The following CACNA1A variants were observed in gnomAD, a reference collection of about 807,000 sequenced individuals.
CACNA1A encodes the protein calcium voltage-gated channel subunit alpha1 A, also known as voltage-dependent P/Q-type calcium channel subunit alpha-1A.
Under a neutral mutation model 262.4 loss-of-function variants are expected in CACNA1A, and 57 were observed. The observed-to-expected ratio is 0.22, with a 90% confidence interval of 0.18 to 0.27. CACNA1A has a LOEUF of 0.27. CACNA1A is among the 10% of genes least tolerant of loss of function. The pLI is 1.00. For synonymous variants in CACNA1A, 1,431 were observed against 1,419.3 expected (o/e 1.01, Z -0.18); for missense variants, 2,526 against 3,562.8 (o/e 0.71, Z 7.41).
intron 24 of CACNA1A, chr19:13,272,383 A>G (rs1015259805): frequency 1.3e-5 from 2 of 152,232 alleles, no homozygotes; most frequent in African/African-American, 4.8e-5. Context: ...GCCCCAGAGG[A>G]AAGGGGCGGG....
At chr19:13,217,489 C>T (rs2055058233) in intron 38 of CACNA1A, among the ~76,000 whole-genome samples, 1 of 152,162 alleles carries the variant, frequency 6.6e-6, no homozygotes, top group South Asian at 2.1e-4. Context: ...ATCACTCTTC[C>T]ATTGTTGTCC....
At chr19:13,329,969 A>G (rs903774967) in intron 10 of CACNA1A, among the ~76,000 whole-genome samples, 1 of 152,178 alleles carries the variant, frequency 6.6e-6, no homozygotes, top group African/African-American at 2.4e-5. Context: ...ACAAACATTC[A>G]CCAACTTGAC....
chr19:13,359,046 T>A (rs1054580603), intron 6 of CACNA1A, among the ~76,000 whole-genome samples: 1 of 152,198 alleles, frequency 6.6e-6, no homozygotes, highest in Non-Finnish European at 1.5e-5. Context: ...TCAGTTGGGT[T>A]ACGAACAGAT....
chr19:13,415,456 T>C (rs992101244), intron 3 of CACNA1A, among the ~76,000 whole-genome samples: 1 of 151,680 alleles, frequency 6.6e-6, no homozygotes, highest in Non-Finnish European at 1.5e-5. Context: ...TAGAACTAGA[T>C]GAGGCCAGGC....
intron 3 of CACNA1A, chr19:13,450,699 T>A (rs761728665): frequency 5.3e-5 from 8 of 152,250 alleles, no homozygotes; most frequent in Admixed American, 1.3e-4. Flanking sequence ...ATTCTCTACT[T>A]AGTTTTGCAT....
At chr19:13,397,154 G>C (rs1210708537) in intron 3 of CACNA1A, among the ~76,000 whole-genome samples, 2 of 152,148 alleles carry the variant, frequency 1.3e-5, no homozygotes, top group African/African-American at 4.8e-5. Flanking sequence ...GTTCATGAAA[G>C]CTGCCCACCT....
chr19:13,473,171 T>G (rs1978290219), intron 1 of CACNA1A, among the ~76,000 whole-genome samples: 1 of 151,880 alleles, frequency 6.6e-6, no homozygotes, highest in Admixed American at 6.6e-5. Flanking sequence ...GGAGGATTGT[T>G]TGATGCTGGG....
intron 29 of CACNA1A, among the ~76,000 whole-genome samples, chr19:13,253,893 C>T (rs1232340660): frequency 3.9e-5 from 6 of 152,114 alleles, no homozygotes; most frequent in African/African-American, 9.7e-5. Flanking sequence ...GCATGCGCCA[C>T]CACGCCCAGC....
chr19:13,279,604 G>A (rs944140961), intron 22 of CACNA1A, among the ~76,000 whole-genome samples: 1 of 152,032 alleles, frequency 6.6e-6, no homozygotes, highest in African/African-American at 2.4e-5. Flanking sequence ...TTCTGCCTCA[G>A]CCTCCAAGTG....
intron 1 of CACNA1A, among the ~76,000 whole-genome samples, chr19:13,491,117 A>T (rs1980833654): frequency 6.6e-6 from 1 of 152,232 alleles, no homozygotes. Flanking sequence ...CCTCTCTGGA[A>T]TGCAAATGGT....
chr19:13,347,059 G>GTTTTTT (rs1207564258), intron 6 of CACNA1A, among the ~76,000 whole-genome samples: 2 of 58,394 alleles, frequency 3.4e-5, no homozygotes, highest in Non-Finnish European at 7.0e-5. Flanking sequence ...TGTTTTTTTT[G>GTTTTTT]TTTTTTTGTT....
At chr19:13,218,605 AG>A (rs1178356842) in intron 38 of CACNA1A, among the ~76,000 whole-genome samples, 1 of 150,620 alleles carries the variant, frequency 6.6e-6, no homozygotes, top group Non-Finnish European at 1.5e-5. Context: ...TTTGAGACAG[AG>A]TCTTGCTCTG....
At chr19:13,217,999 C>G (rs575016698) in intron 38 of CACNA1A, among the ~76,000 whole-genome samples, 1 of 148,304 alleles carries the variant, frequency 6.7e-6, no homozygotes, top group East Asian at 2.0e-4. Flanking sequence ...TGGTCTCGAA[C>G]TCCTGGCCTC....
At chr19:13,395,296 GAA>G (rs1411878196) in intron 3 of CACNA1A, among the ~76,000 whole-genome samples, 1 of 132,766 alleles carries the variant, frequency 7.5e-6, no homozygotes, top group Non-Finnish European at 1.6e-5. Flanking sequence ...AAAAAGAAAA[GAA>G]AAAGAAAAAG....
chr19:13,307,791 C>G lies in CACNA1A; in HGVS notation c.1977G>C (p.Thr659=), dbSNP rs371952989. 4 of 1,613,956 alleles carry G rather than the reference C, an allele frequency of 2.5e-6. No homozygotes were observed. The highest frequency in any genetic ancestry group is 2.5e-6 in the Non-Finnish European group (3 of 1,179,844). The change falls in exon 15 of 47, where the codon ACG becomes ACC. Residue 659 remains threonine, a synonymous_variant. Transcript: ENST00000360228. The part of the protein sequence containing the change: ...NFDTFPAAIM[T]VFQILTGEDW... ...CAGGTGGAGGCTGTACCTGAAACAC[C>G]GTCATTATTGCTGCTGGAAAAGTAT...
intron 40 of CACNA1A, among the ~76,000 whole-genome samples, chr19:13,213,221 A>C (rs1279095965): frequency 6.6e-6 from 1 of 151,898 alleles, no homozygotes; most frequent in Non-Finnish European, 1.5e-5. Flanking sequence ...GCTGTTACCC[A>C]AACAACCCAG....
intron 23 of CACNA1A, 66 bp downstream of exon 23, chr19:13,277,003 T>C (rs1204461837): frequency 1.9e-6 from 2 of 1,032,532 alleles, no homozygotes; most frequent in South Asian, 1.3e-5. Context: ...TGATCCACTG[T>C]GCCCAGCCCT....
At chr19:13,462,677 A>C (rs1303535258) in intron 1 of CACNA1A, among the ~76,000 whole-genome samples, 1 of 152,228 alleles carries the variant, frequency 6.6e-6, no homozygotes, top group Non-Finnish European at 1.5e-5. Flanking sequence ...CAGAGAGATT[A>C]AACAAATTTT....
chr19:13,210,767 GTGGCAC>G, intron 43 of CACNA1A, 115 bp from the exon 44 acceptor site: 1 of 1,048,288 alleles, frequency 9.5e-7, no homozygotes, highest in Non-Finnish European at 1.5e-6. Context: ...AAGGAGGGGA[GTGGCAC>G]TGGCATCAAG....
Sources: gnomAD v4.1 joint callset for allele counts (sites outside exome capture counted in the v4.1 genomes callset) on GRCh38, gnomAD v4.1.1 for gene constraint, MANE v1.5 for transcripts, NCBI Gene and HGNC (gene_info 2026-07-23, HGNC 2026-07-21) for gene names.